PDGFRL: variants seen among roughly 807,000 people sequenced by gnomAD.
The protein encoded by PDGFRL is platelet-derived growth factor receptor-like protein.
A neutral mutation model predicts 37.2 loss-of-function variants in PDGFRL; 46 were observed. The ratio of observed to expected loss-of-function variants is 1.24; its 90% CI spans 0.98 to 1.58. The LOEUF (loss-of-function observed/expected upper bound fraction) is 1.58, where lower values mean the gene tolerates loss of function less well. PDGFRL is among the 40% of genes most tolerant of loss of function. The probability of loss-of-function intolerance (pLI) is 0.00; values close to 1 mark genes in which losing one functional copy is unlikely to be tolerated. For missense variants in PDGFRL, 692 were observed against 467.6 expected (o/e 1.48, Z -4.43); for synonymous variants, 251 against 184.3 (o/e 1.36, Z -2.93).
At chr8:17,579,550 A>ATTG (rs749900666) in intron 1 of PDGFRL, among the ~76,000 whole-genome samples, 3 of 58,000 alleles carry the variant, frequency 5.2e-5, no homozygotes, top group East Asian at 6.8e-4. Context: ...TTATTTTATT[A>ATTG]TTATTGTTAT....
intron 3 of PDGFRL, among the ~76,000 whole-genome samples, chr8:17,624,100 T>C (rs1804687867): frequency 6.6e-6 from 1 of 152,108 alleles, no homozygotes; most frequent in African/African-American, 2.4e-5. Context: ...CCAGTTGGAT[T>C]TTTACTATAG....
At chr8:17,588,508 C>G (rs531723932) in intron 1 of PDGFRL, among the ~76,000 whole-genome samples, 1 of 92,012 alleles carries the variant, frequency 1.1e-5, no homozygotes, top group African/African-American at 2.8e-5. Flanking sequence ...AAGGCCCCAT[C>G]TTTAAAAAAA....
At chr8:17,616,186 T>G (rs1422017984) in intron 2 of PDGFRL, among the ~76,000 whole-genome samples, 1 of 150,470 alleles carries the variant, frequency 6.6e-6, no homozygotes, top group East Asian at 2.0e-4. Flanking sequence ...ATTTATTTAT[T>G]TATTTATTTA....
chr8:17,601,467 T>TC (rs2129659874), intron 2 of PDGFRL, among the ~76,000 whole-genome samples: 1 of 152,248 alleles, frequency 6.6e-6, no homozygotes, highest in South Asian at 2.1e-4. Context: ...TTTTTTTTTT[T>TC]TCCTCTTTCT....
rs1392615732 is a variant in PDGFRL at position 17,599,924 on chromosome 8, C to G, written c.353+10159C>G. 2.6e-5 allele frequency among the ~76,000 whole-genome samples: 4 copies of G among 152,100 alleles called. No homozygotes were observed. In the East Asian group the frequency reaches 7.7e-4, roughly 29 times the overall value. On this transcript the variant is annotated intron_variant, in intron 2 of 5. Coordinates refer to ENST00000251630, the MANE Select transcript of PDGFRL (RefSeq NM_001372073.1). ...ACCTACTTTCCCAGGAACTTCAATA[C>G]ATCACTTACTGCCTCTTCATTCTGG... is the stretch of plus-strand genomic sequence containing the variant.
chr8:17,628,492 G>C lies in PDGFRL; in HGVS notation c.511G>C (p.Gly171Arg), dbSNP rs1303653927. 2 of 1,613,042 alleles carry C rather than the reference G, an allele frequency of 1.2e-6. No individual in the cohort carries two copies. Among genetic ancestry groups the C allele is most frequent in the Middle Eastern group, 1.7e-4 (1 of 6,058 alleles). ...GSTYIFFTEKGELFVPSPSYF... is the reference protein window; with the variant it reads ...GSTYIFFTEKRELFVPSPSYF... ...TGTCTTCCTTCCCTTTGCAGAGAAAGGAGAACTCTTTGTACCTTCTCCCAG... is the reference window on the plus strand; with the variant it reads ...TGTCTTCCTTCCCTTTGCAGAGAAACGAGAACTCTTTGTACCTTCTCCCAG... Residue 171 changes from glycine (G) to arginine (R), a missense_variant, in exon 4 of 6, where the codon GGA (glycine) becomes CGA (arginine). Coordinates refer to ENST00000251630, the MANE Select transcript of PDGFRL (RefSeq NM_001372073.1).
chr8:17,602,875 C>T (rs1804195510), intron 2 of PDGFRL, among the ~76,000 whole-genome samples: 1 of 152,206 alleles, frequency 6.6e-6, no homozygotes, highest in African/African-American at 2.4e-5. Context: ...CAATATGTGC[C>T]CACTTATACC....
At chr8:17,609,408 C>T (rs965167102) in intron 2 of PDGFRL, among the ~76,000 whole-genome samples, 29 of 151,488 alleles carry the variant, frequency 1.9e-4, no homozygotes, top group African/African-American at 6.8e-4. Flanking sequence ...TTGGGAGGCG[C>T]AGGTTGCAGT....
chr8:17,586,291 G>A (rs142555195), intron 1 of PDGFRL, among the ~76,000 whole-genome samples: 2,244 of 152,270 alleles, frequency 0.015, 25 homozygotes, highest in Non-Finnish European at 0.021. Flanking sequence ...TCACCGAGGG[G>A]ATCCAGTGTG....
intron 1 of PDGFRL, among the ~76,000 whole-genome samples, chr8:17,581,711 G>C (rs2720568): frequency 0.64 from 96,533 of 152,020 alleles, 31,081 homozygotes; most frequent in Middle Eastern, 0.77. Context: ...GCTAGTTATC[G>C]TTGCCCTCTG....
chr8:17,595,607 C>T (rs1251428566), intron 2 of PDGFRL, among the ~76,000 whole-genome samples: 1 of 152,160 alleles, frequency 6.6e-6, no homozygotes, highest in African/African-American at 2.4e-5. Flanking sequence ...CGTGGCTGAG[C>T]CCAGGGCTTG....
chr8:17,592,878 C>T (rs968312363), intron 2 of PDGFRL, among the ~76,000 whole-genome samples: 1 of 151,686 alleles, frequency 6.6e-6, no homozygotes, highest in African/African-American at 2.4e-5. Context: ...ACTGACAAGC[C>T]TCCCTGATAC....
chr8:17,614,055 T>C (rs963973302), intron 2 of PDGFRL, among the ~76,000 whole-genome samples: 7 of 152,064 alleles, frequency 4.6e-5, no homozygotes, highest in East Asian at 1.9e-4. Flanking sequence ...GATAGATAGA[T>C]AGTAGATGGG....
At chr8:17,627,989 C>CTTTTTTTTTTTTTTTT (rs35707610) in intron 3 of PDGFRL, among the ~76,000 whole-genome samples, 21 of 89,246 alleles carry the variant, frequency 2.4e-4, no homozygotes, top group East Asian at 3.1e-4. Flanking sequence ...TTCTTTCTTT[C>CTTTTTTTTTTTTTTTT]TTTTTTTTTT....
intron 2 of PDGFRL, among the ~76,000 whole-genome samples, chr8:17,615,993 C>T (rs554335047): frequency 6.6e-6 from 1 of 152,218 alleles, no homozygotes; most frequent in African/African-American, 2.4e-5. Context: ...AGCTTGGCAG[C>T]GTGCCTGCAC....
intron 2 of PDGFRL, among the ~76,000 whole-genome samples, chr8:17,600,390 G>C (rs1804142589): frequency 6.6e-6 from 1 of 152,050 alleles, no homozygotes; most frequent in Non-Finnish European, 1.5e-5. Context: ...TTGAATGTTG[G>C]TTCTATACAC....
chr8:17,598,314 G>T, intron 2 of PDGFRL, among the ~76,000 whole-genome samples: 1 of 152,240 alleles, frequency 6.6e-6, no homozygotes, highest in African/African-American at 2.4e-5. Flanking sequence ...TTGCTTATTT[G>T]TTTATTTAAT....
chr8:17,604,181 T>C (rs183551181), intron 2 of PDGFRL, among the ~76,000 whole-genome samples: 11 of 152,264 alleles, frequency 7.2e-5, no homozygotes, highest in African/African-American at 1.9e-4. Flanking sequence ...GTGTGGCGAT[T>C]CCTCAGGGAT....
intron 2 of PDGFRL, among the ~76,000 whole-genome samples, chr8:17,620,303 T>C (rs1313035920): frequency 1.3e-5 from 2 of 152,224 alleles, no homozygotes; most frequent in Non-Finnish European, 2.9e-5. Flanking sequence ...CACATTGGTT[T>C]ATTAAAATAT....
Sources: allele counts gnomAD v4.1 joint callset (sites outside exome capture counted in the v4.1 genomes callset), GRCh38; gene constraint gnomAD v4.1.1; transcripts MANE v1.5; gene names NCBI Gene and HGNC (gene_info 2026-07-23, HGNC 2026-07-21).